Variants in MTERF1 observed in about 807,000 individuals in gnomAD.
MTERF1 encodes transcription termination factor 1, mitochondrial.
A neutral mutation model predicts 31.6 loss-of-function variants in MTERF1; 29 were observed. The ratio of observed to expected loss-of-function variants is 0.92; its 90% CI spans 0.68 to 1.25. MTERF1 has a LOEUF of 1.25. Among genes scored for constraint, MTERF1 ranks in the 50% most tolerant of loss-of-function variants. The pLI is 0.00. For synonymous variants in MTERF1, 152 were observed against 164.1 expected, an observed-to-expected ratio of 0.93 and a Z score of 0.57; for missense variants, 500 against 469.1, an observed-to-expected ratio of 1.07 and a Z score of -0.61.
At chr7:91,875,337 C>T (rs1205664152) in intron 2 of MTERF1, among the ~76,000 whole-genome samples, 1 of 152,114 alleles carries the variant, frequency 6.6e-6, no homozygotes, top group Non-Finnish European at 1.5e-5. Context: ...TGCAGCCTCA[C>T]CTCCCTGGGC....
chr7:91,874,042 C>T lies in MTERF1; in HGVS notation c.752G>A (p.Arg251Gln), dbSNP rs78445151. The T allele has an allele frequency of 4.2e-4, 680 of 1,614,014 alleles. 2 individuals are homozygous for T. In the African/African-American group the frequency reaches 8.0e-3, roughly 19 times the overall value. Reference sequence around the variant, plus strand: ...TAAGAATTCAATGTTAGCTTTCACCCGCTTGGTGCTCTGAATTAAGATAAA... The same window carrying T: ...TAAGAATTCAATGTTAGCTTTCACCTGCTTGGTGCTCTGAATTAAGATAAA... ...NPFILIQSTK[R>Q]VKANIEFLRS... Residue 251 changes from arginine to glutamine, a missense_variant, in exon 3 of 3, where the codon CGG becomes CAG. Arg to Gln is a conservative substitution (Grantham distance 43). Transcript: ENST00000351870.
intron 2 of MTERF1, 56 bp from the exon 3 acceptor site, chr7:91,874,820 G>T: frequency 1.6e-6 from 2 of 1,257,984 alleles, no homozygotes; most frequent in South Asian, 1.5e-5. Flanking sequence ...ACAACTAAAT[G>T]ACCATATTAC....
Position 91,873,464 on chromosome 7 carries a change from A to T in MTERF1, c.*130T>A, listed in dbSNP as rs1789234448. On this transcript the variant is annotated 3_prime_UTR_variant, in exon 3 of 3. Coordinates refer to ENST00000351870, the MANE Select transcript of MTERF1 (RefSeq NM_006980.5). The stretch of plus-strand genomic sequence containing the variant: ...TCCCTACAATTATATTAGGCCCTCC[A>T]AAGTAATTCAGGATAATCTCCCCAT... The T allele has an allele frequency of 1.2e-6, 1 of 820,706 alleles. No homozygotes were observed. Among genetic ancestry groups the T allele is most frequent in the Admixed American group, 3.0e-5 (1 of 33,646 alleles). 50.8% of individuals were successfully genotyped at this position (820,706 alleles called of 1,614,324 possible). A position where few individuals can be genotyped will look rare whatever the true frequency, so the allele number is the denominator to read the frequency against.
chr7:91,873,562 A>T lies in MTERF1; in HGVS notation c.*32T>A, dbSNP rs1562842382. The T allele has an allele frequency of 6.6e-7, 1 of 1,524,936 alleles. No homozygotes were observed. The highest frequency in any genetic ancestry group is 1.4e-5 in the African/African-American group (1 of 71,930). The allele number at this position is 1,524,936 out of a possible 1,614,324, so 94.5% of individuals were successfully genotyped here. A position where few individuals can be genotyped will look rare whatever the true frequency, so the allele number is the denominator to read the frequency against. ...TTTTGCAATGTGGCATAACATATTC[A>T]CAGTTCCTGAGAATTAAAAACATTG... On this transcript the variant is annotated 3_prime_UTR_variant, in exon 3 of 3. Coordinates refer to ENST00000351870, the MANE Select transcript of MTERF1 (RefSeq NM_006980.5).
intron 2 of MTERF1, 84 bp from the exon 3 acceptor site, chr7:91,874,848 G>A: frequency 1.0e-6 from 1 of 976,792 alleles, no homozygotes; most frequent in Non-Finnish European, 1.5e-6. Flanking sequence ...TAAGCATCAT[G>A]GTCATTTCTA....
chr7:91,877,088 T>C (rs887092854), intron 2 of MTERF1: 1 of 202,358 alleles, frequency 4.9e-6, no homozygotes, highest in African/African-American at 2.4e-5. Context: ...TTTTATAATA[T>C]AAACAATATG....
rs540543596 is a variant in MTERF1, at chr7:91,873,991, T to G, written c.803A>C (p.Glu268Ala). ...FLRSTFNLNS[E>A]ELLVLICGPG... Reference sequence around the variant, plus strand: ...ACCACATATCAGAACCAGCAGTTCCTCACTGTTCAAATTGAAAGTTGACCG... The same window carrying G: ...ACCACATATCAGAACCAGCAGTTCCGCACTGTTCAAATTGAAAGTTGACCG... Residue 268 changes from glutamate to alanine, a missense_variant, in exon 3 of 3, where the codon GAG (glutamate) becomes GCG (alanine). Physicochemically the swap from Glu to Ala is moderately radical, Grantham distance 107. Coordinates refer to ENST00000351870, the MANE Select transcript of MTERF1 (RefSeq NM_006980.5). The G allele has an allele frequency of 3.2e-5, 52 of 1,614,108 alleles. No homozygotes were observed. In the South Asian group the frequency reaches 5.2e-4, roughly 16 times the overall value.
At chr7:91,876,531 C>G (rs1789351058) in intron 2 of MTERF1, among the ~76,000 whole-genome samples, 13 of 152,190 alleles carry the variant, frequency 8.5e-5, no homozygotes, top group Admixed American at 8.5e-4. Flanking sequence ...TCAAAGAAAG[C>G]CTCTTTGTGT....
At chr7:91,878,205 C>A (rs913294522) in intron 2 of MTERF1, among the ~76,000 whole-genome samples, 1 of 152,188 alleles carries the variant, frequency 6.6e-6, no homozygotes, top group Non-Finnish European at 1.5e-5. Context: ...GGACTTACAA[C>A]TGGCAACTGA....
At chr7:91,875,967 C>CA (rs747419716) in intron 2 of MTERF1, among the ~76,000 whole-genome samples, 2 of 152,184 alleles carry the variant, frequency 1.3e-5, no homozygotes, top group African/African-American at 2.4e-5. Flanking sequence ...TGAAAGATGG[C>CA]ATGTAAACAT....
rs956671761 is a variant in MTERF1 at position 91,871,510 on chromosome 7, G to T, written c.*2084C>A. On this transcript the variant is annotated 3_prime_UTR_variant, in exon 3 of 3. Transcript: ENST00000351870. ...CCAATACTACTGTACCCATACAATG[G>T]AATATTACTTGCCAAAAAAAATGAA... is the stretch of plus-strand genomic sequence containing the variant. The T allele has an allele frequency of 6.6e-6, 1 of 152,070 alleles. No homozygotes were observed. Among genetic ancestry groups the T allele is most frequent in the African/African-American group, 2.4e-5 (1 of 41,386 alleles). 9.4% of individuals were successfully genotyped at this position (152,070 alleles called of 1,614,324 possible).
At chr7:91,876,960 G>C (rs1326780853) in intron 2 of MTERF1, 2 of 984,994 alleles carry the variant, frequency 2.0e-6, no homozygotes, top group Non-Finnish European at 2.4e-6. Context: ...GCGTCAGCTG[G>C]AAATCAGATC....
intron 1 of MTERF1, 161 bp from the exon 2 acceptor site, chr7:91,880,274 G>A: frequency 1.7e-6 from 1 of 604,448 alleles, no homozygotes; most frequent in Non-Finnish European, 2.9e-6. Flanking sequence ...AAAAGAAAAC[G>A]GCAAGTACAT....
intron 2 of MTERF1, among the ~76,000 whole-genome samples, chr7:91,877,270 A>G (rs1339897329): frequency 4.6e-5 from 7 of 152,256 alleles, no homozygotes; most frequent in African/African-American, 1.4e-4. Flanking sequence ...TGTTCAACAG[A>G]AATTCTATTA....
intron 2 of MTERF1, among the ~76,000 whole-genome samples, chr7:91,878,606 G>A (rs563667826): frequency 1.3e-5 from 2 of 152,270 alleles, no homozygotes; most frequent in South Asian, 4.1e-4. Flanking sequence ...AAGCCAAGGT[G>A]GGAGGATTGC....
chr7:91,878,730 A>C (rs753591539), intron 2 of MTERF1, among the ~76,000 whole-genome samples: 1 of 152,152 alleles, frequency 6.6e-6, no homozygotes, highest in Admixed American at 6.5e-5. Context: ...AGCTGCTCAG[A>C]AGGCTGAGGT....
In MTERF1 at chr7:91,873,908, T is replaced by C; in HGVS notation, c.886A>G (p.Ile296Val). 1 of 1,614,086 alleles carries C rather than the reference T, an allele frequency of 6.2e-7. No individual in the cohort carries two copies. Among genetic ancestry groups the C allele is most frequent in the Non-Finnish European group, 8.5e-7 (1 of 1,180,012 alleles). The change falls in exon 3 of 3, where the codon ATC becomes GTC. Residue 296 changes from isoleucine to valine, a missense_variant. Ile to Val is a conservative substitution (Grantham distance 29). Transcript: ENST00000351870. ...CCAAGAGAAAACAGCTTCTCTTTGA[T>C]GTTTGCGTAGCTTCTTCTGGCATAG... The part of the protein sequence containing the change: ...NDYARRSYAN[I>V]KEKLFSLGCT...
At position 91,873,778 on chromosome 7, in the gene MTERF1, T is replaced by G; in HGVS notation, c.1016A>C (p.Asn339Thr). 8 of 1,614,150 alleles carry G rather than the reference T, an allele frequency of 5.0e-6. No homozygotes were observed. The highest frequency in any genetic ancestry group is 6.8e-6 in the Non-Finnish European group (8 of 1,180,010). ...NDKIDCLMEE[N>T]ISISQIIENP... Reference sequence around the variant, plus strand: ...TTCGATTATTTGTGAAATGCTAATGTTTTCTTCCATGAGGCAGTCTATTTT... The same window carrying G: ...TTCGATTATTTGTGAAATGCTAATGGTTTCTTCCATGAGGCAGTCTATTTT... Residue 339 changes from asparagine to threonine, a missense_variant, in exon 3 of 3, where the codon AAC (asparagine) becomes ACC (threonine). Physicochemically the swap from Asn to Thr is moderately conservative, Grantham distance 65 (BLOSUM62 0). Transcript: ENST00000351870.
rs1470420444 is a variant in MTERF1 at position 91,873,116 on chromosome 7, A to G, written c.*478T>C. On this transcript the variant is annotated 3_prime_UTR_variant, in exon 3 of 3. Transcript: ENST00000351870. ...ATCTACTTAGTTGCTATGTTAATCT[A>G]TTTGCTTCTTCAGCAAATTATCACT... The G allele has an allele frequency of 6.5e-6, 1 of 152,906 alleles. No individual in the cohort carries two copies. The allele number at this position is 152,906 out of a possible 1,614,324, so 9.5% of individuals were successfully genotyped here.
Sources: gnomAD v4.1 joint callset for allele counts (sites outside exome capture counted in the v4.1 genomes callset) on GRCh38, gnomAD v4.1.1 for gene constraint, MANE v1.5 for transcripts, NCBI Gene and HGNC (gene_info 2026-07-23, HGNC 2026-07-21) for gene names.